DLC1: variants seen among roughly 807,000 people sequenced by gnomAD.
DLC1 encodes the protein rho GTPase-activating protein 7.
DLC1 carries 54 observed loss-of-function variants against 140.3 expected under a neutral mutation model. The observed-to-expected ratio is 0.38, with a 90% CI of 0.31 to 0.48. DLC1 has a LOEUF of 0.48. Ranked by LOEUF, DLC1 falls within the 20% of genes least tolerant of loss-of-function variation. The pLI is 0.96. For missense variants in DLC1, 2,536 were observed against 1,907.0 expected (o/e 1.33, Z -6.14); for synonymous variants, 986 against 728.1 (o/e 1.35, Z -5.70).
At chr8:13,288,536 T>C (rs1210398878) in intron 5 of DLC1, among the ~76,000 whole-genome samples, 1 of 152,220 alleles carries the variant, frequency 6.6e-6, no homozygotes, top group African/African-American at 2.4e-5. Flanking sequence ...CAGATCTTCC[T>C]TTCCAGTATT....
Position 13,085,786 on chromosome 8 carries a change from G to A in DLC1, c.*25C>T. ...TTCTAGAAACAAACACCATGGTGGT[G>A]GAAGCGGTTGCGTTGCTTCAGTGAT... On this transcript the variant is annotated 3_prime_UTR_variant, in exon 18 of 18. Transcript: ENST00000276297. 1.2e-6 allele frequency: 2 copies of A among 1,613,886 alleles called. No individual in the cohort carries two copies. The highest frequency in any genetic ancestry group is 1.3e-5 in the African/African-American group (1 of 75,030).
chr8:13,087,750 G>C (rs898686011), intron 16 of DLC1, among the ~76,000 whole-genome samples: 1 of 152,220 alleles, frequency 6.6e-6, no homozygotes, highest in Non-Finnish European at 1.5e-5. Flanking sequence ...CTTCCAATGT[G>C]ACATTTCCAC....
At position 13,587,534 on chromosome 8, in the gene DLC1, A is replaced by T. The variant is rs1216163981; in HGVS notation, c.-126+17003T>A. On this transcript the variant is annotated intron_variant, in intron 1 of 1. Coordinates refer to the DLC1 transcript ENST00000631382. The stretch of plus-strand genomic sequence containing the variant: ...TAAAAATAAAGCTTTGAACAGCACA[A>T]ATGTGACTATACACACACACACACA... Among the ~76,000 whole-genome samples, 4 of 147,802 alleles carry T rather than the reference A, an allele frequency of 2.7e-5. No homozygotes were observed. In the East Asian group the frequency reaches 8.0e-4, roughly 30 times the overall value.
intron 2 of DLC1, among the ~76,000 whole-genome samples, chr8:13,470,604 G>T (rs1038111457): frequency 6.6e-6 from 1 of 152,166 alleles, no homozygotes; most frequent in Non-Finnish European, 1.5e-5. Flanking sequence ...ATTAGAATAA[G>T]TGTTGGTGAA....
chr8:13,146,709 G>T (rs889095425), intron 5 of DLC1, among the ~76,000 whole-genome samples: 6 of 152,180 alleles, frequency 3.9e-5, no homozygotes, highest in East Asian at 1.9e-4. Context: ...TGTGCTATTA[G>T]AATGCTTAAA....
intron 5 of DLC1, among the ~76,000 whole-genome samples, chr8:13,282,158 A>T (rs1257275576): frequency 1.3e-5 from 2 of 152,152 alleles, no homozygotes; most frequent in African/African-American, 4.8e-5. Context: ...CCTCACCAGA[A>T]TTCTAGCTAT....
At chr8:13,387,150 G>A (rs1031450255) in intron 4 of DLC1, among the ~76,000 whole-genome samples, 1 of 151,766 alleles carries the variant, frequency 6.6e-6, no homozygotes, top group Non-Finnish European at 1.5e-5. Context: ...TCTTTCCTCA[G>A]GATATGAAAG....
intron 5 of DLC1, among the ~76,000 whole-genome samples, chr8:13,143,011 C>A (rs145711235): frequency 0.034 from 5,046 of 150,348 alleles, 106 homozygotes; most frequent in Middle Eastern, 0.041. Context: ...CCGTTGCGCT[C>A]CAGCCTGGGC....
At chr8:13,307,562 A>C (rs1367471511) in intron 4 of DLC1, among the ~76,000 whole-genome samples, 1 of 152,244 alleles carries the variant, frequency 6.6e-6, no homozygotes, top group Non-Finnish European at 1.5e-5. Context: ...GGGGGTTTTA[A>C]AATACATTCG....
At chr8:13,113,327 C>T (rs1820272346) in intron 6 of DLC1, among the ~76,000 whole-genome samples, 1 of 152,076 alleles carries the variant, frequency 6.6e-6, no homozygotes, top group South Asian at 2.1e-4. Flanking sequence ...TATGTACTCA[C>T]CCAGCACACA....
intron 5 of DLC1, among the ~76,000 whole-genome samples, chr8:13,205,730 C>T (rs558933687): frequency 6.6e-6 from 1 of 152,224 alleles, no homozygotes; most frequent in African/African-American, 2.4e-5. Context: ...GTTGGACAAG[C>T]TTGATTTAAA....
intron 1 of DLC1, among the ~76,000 whole-genome samples, chr8:13,532,942 G>A (rs149561890): frequency 3.9e-5 from 6 of 152,216 alleles, no homozygotes; most frequent in Admixed American, 6.5e-5. Context: ...AAAGGAATAC[G>A]TAGTTTAAAT....
chr8:13,387,598 C>G (rs531830582), intron 4 of DLC1, among the ~76,000 whole-genome samples: 4 of 151,872 alleles, frequency 2.6e-5, no homozygotes, highest in Non-Finnish European at 4.4e-5. Flanking sequence ...AATATAAAAC[C>G]TGGTTTACAT....
intron 5 of DLC1, among the ~76,000 whole-genome samples, chr8:13,219,235 A>G (rs1828411606): frequency 7.4e-6 from 1 of 136,032 alleles, no homozygotes; most frequent in South Asian, 2.3e-4. Flanking sequence ...ATATAATTAT[A>G]TAATGATATT....
chr8:13,399,412 G>A (rs1586277767), intron 3 of DLC1, among the ~76,000 whole-genome samples: 1 of 152,212 alleles, frequency 6.6e-6, no homozygotes, highest in Non-Finnish European at 1.5e-5. Flanking sequence ...CTCCGTCAGT[G>A]TGAACACAGG....
intron 16 of DLC1, among the ~76,000 whole-genome samples, chr8:13,087,227 C>T (rs1319313938): frequency 1.3e-5 from 2 of 152,142 alleles, no homozygotes; most frequent in African/African-American, 4.8e-5. Context: ...TATGGTGACA[C>T]CATGTCTCTA....
intron 5 of DLC1, among the ~76,000 whole-genome samples, chr8:13,295,790 A>G (rs1287477066): frequency 1.3e-5 from 2 of 152,104 alleles, no homozygotes; most frequent in South Asian, 2.1e-4. Context: ...TACCTCTCCA[A>G]AGAAACTAGG....
intron 4 of DLC1, among the ~76,000 whole-genome samples, chr8:13,374,194 T>C (rs1184419399): frequency 6.6e-6 from 1 of 152,214 alleles, no homozygotes; most frequent in Non-Finnish European, 1.5e-5. Context: ...TCAGTGGCTG[T>C]GTAGTTTGCT....
At chr8:13,468,963 G>T (rs1173384071) in intron 2 of DLC1, among the ~76,000 whole-genome samples, 1 of 151,914 alleles carries the variant, frequency 6.6e-6, no homozygotes, top group African/African-American at 2.4e-5. Flanking sequence ...TGGGACTGCA[G>T]GCATGCGCCA....
Sources: allele counts gnomAD v4.1 joint callset (sites outside exome capture counted in the v4.1 genomes callset), GRCh38; gene constraint gnomAD v4.1.1; transcripts MANE v1.5; gene names NCBI Gene and HGNC (gene_info 2026-07-23, HGNC 2026-07-21).